EP400: variants seen among roughly 807,000 people sequenced by gnomAD.
EP400 encodes the protein E1A-binding protein p400.
A neutral mutation model predicts 354.1 loss-of-function variants in EP400; 105 were observed. That is an observed-to-expected ratio of 0.30 (90% confidence interval 0.25 to 0.35). The LOEUF (loss-of-function observed/expected upper bound fraction) is 0.35, where lower values mean the gene tolerates loss of function less well. Ranked by LOEUF, EP400 falls within the 10% of genes least tolerant of loss-of-function variation. EP400 has a pLI of 1.00. For synonymous variants in EP400, 1,646 were observed against 1,716.9 expected, an observed-to-expected ratio of 0.96 and a Z score of 1.02; for missense variants, 3,280 against 4,121.0, an observed-to-expected ratio of 0.80 and a Z score of 5.59.
In EP400 at chr12:131,982,205, C is replaced by T. The variant is rs779093079; in HGVS notation, c.1656C>T (p.Thr552=). The T allele has an allele frequency of 1.2e-6, 2 of 1,613,848 alleles. No homozygotes were observed. The highest frequency in any genetic ancestry group is 1.7e-6 in the Non-Finnish European group (2 of 1,179,928). ...PPVQNAASLH[T]PLPQLPGRLP... ...TGCAGAACGCTGCCAGCTTGCACAC[C>T]CCACTGCCGCAGCTGCCCGGGAGGC... Residue 552 remains threonine, a synonymous_variant, in exon 5 of 53, where the codon ACC becomes ACT. Coordinates refer to ENST00000389561, the MANE Select transcript of EP400 (RefSeq NM_015409.5).
Position 132,067,050 on chromosome 12 carries a change from C to A in EP400, c.8749+81C>A. 3 of 1,430,908 alleles carry A rather than the reference C, an allele frequency of 2.1e-6. No individual in the cohort carries two copies. Among genetic ancestry groups the A allele is most frequent in the Admixed American group, 5.7e-5 (2 of 34,818 alleles). The allele number at this position is 1,430,908 out of a possible 1,614,324, so 88.6% of individuals were successfully genotyped here. A position where few individuals can be genotyped will look rare whatever the true frequency, so the allele number is the denominator to read the frequency against. ...CTCTGGTGGCAGTGGTCGCCAGCGA[C>A]CCGTGTTCTTTCCTCACACCCACCC... On this transcript the variant is annotated intron_variant, in intron 49 of 52. Transcript: ENST00000389561. This position sits in a 1 kb window ranked among gnomAD's most constrained non-coding sequence, Gnocchi z 5.3.
chr12:131,997,183 A>G (rs2136512003), intron 12 of EP400, among the ~76,000 whole-genome samples: 1 of 152,242 alleles, frequency 6.6e-6, no homozygotes, highest in Middle Eastern at 3.4e-3. Flanking sequence ...TGACTCCTTC[A>G]AAACTTACTA....
At position 132,000,840 on chromosome 12, in the gene EP400, A is replaced by G. The variant is rs540387593; in HGVS notation, c.2828-4237A>G. 1.0e-4 allele frequency among the ~76,000 whole-genome samples: 16 copies of G among 152,384 alleles called. No homozygotes were observed. In the East Asian group the frequency reaches 3.1e-3, roughly 29 times the overall value. ...TTCCCAATGGTTTTTTAGAAAACCT[A>G]CATGAAATTTTAAAATTATCTCTTG... On this transcript the variant is annotated intron_variant, in intron 12 of 52. Coordinates refer to ENST00000389561, the MANE Select transcript of EP400 (RefSeq NM_015409.5).
At position 132,062,313 on chromosome 12, in the gene EP400, A is replaced by G. The variant is rs756550069; in HGVS notation, c.8088A>G (p.Gln2696=). The G allele has an allele frequency of 2.2e-5, 36 of 1,614,054 alleles. No individual in the cohort carries two copies. Among genetic ancestry groups the G allele is most frequent in the East Asian group, 4.5e-5 (2 of 44,888 alleles). Residue 2696 remains glutamine, a synonymous_variant, in exon 46 of 53, where the codon CAA becomes CAG. Transcript: ENST00000389561. ...VQTPARSLVP[Q]VSQATGVQLP... is the part of the protein sequence containing the mutation. ...CCCCGGCACGGTCTTTGGTGCCCCA[A>G]GTGTCCCAAGGTAAAGCCAGGCTGG... is the stretch of plus-strand genomic sequence containing the variant.
At position 132,045,370 on chromosome 12, in the gene EP400, G is replaced by A. The variant is rs1322798961; in HGVS notation, c.6836G>A (p.Arg2279Gln). Reference sequence around the variant, plus strand: ...CACGGGGAGGCGGTCGTCCCTCCTCGGTCCCTGTTTGACCGCGCAACACCA... The same window carrying A: ...CACGGGGAGGCGGTCGTCCCTCCTCAGTCCCTGTTTGACCGCGCAACACCA... The part of the protein sequence containing the change: ...QRHGEAVVPP[R>Q]SLFDRATPGL... Residue 2279 changes from arginine (R) to glutamine (Q), a missense_variant, in exon 38 of 53, where the codon CGG becomes CAG. This residue lies in a region of EP400 where 231 missense variants were observed against 257.9 expected (regional missense o/e 0.90). Transcript: ENST00000389561. 2 of 1,614,080 alleles carry A rather than the reference G, an allele frequency of 1.2e-6. No homozygotes were observed. The highest frequency in any genetic ancestry group is 1.7e-6 in the Non-Finnish European group (2 of 1,180,058).
Position 132,077,790 on chromosome 12 carries a change from A to C in EP400, c.*117A>C. The stretch of plus-strand genomic sequence containing the variant: ...GAGATTCAGCACTGGGAAAGATATA[A>C]TTGAAACAAAATAGTGTAATCATTT... On this transcript the variant is annotated 3_prime_UTR_variant, in exon 53 of 53. Transcript: ENST00000389561. The C allele has an allele frequency of 8.1e-7, 1 of 1,242,010 alleles. No individual in the cohort carries two copies. The highest frequency in any genetic ancestry group is 1.1e-6 in the Non-Finnish European group (1 of 920,712). The allele number at this position is 1,242,010 out of a possible 1,614,324, so 76.9% of individuals were successfully genotyped here. A position where few individuals can be genotyped will look rare whatever the true frequency, so the allele number is the denominator to read the frequency against.
Position 132,038,093 on chromosome 12 carries a change from A to G in EP400, c.6204A>G (p.Ile2068Met). The G allele has an allele frequency of 1.9e-6, 3 of 1,614,112 alleles. No individual in the cohort carries two copies. Among genetic ancestry groups the G allele is most frequent in the Non-Finnish European group, 2.5e-6 (3 of 1,180,026 alleles). ...CACCCAAAATTGCAAGACCTTTCAT[A>G]GAGGTAAGAATACATTGAATCTGGC... The part of the protein sequence containing the change: ...TIAPKIARPF[I>M]EALKSIEYLE... Residue 2068 changes from isoleucine (I) to methionine (M), a missense_variant, in exon 32 of 53, where the codon ATA becomes ATG. By Grantham distance (10) the Ile-to-Met change is conservative. Transcript: ENST00000389561. This position sits in a 1 kb window ranked among gnomAD's most constrained non-coding sequence, Gnocchi z 4.2.
At position 131,990,183 on chromosome 12, in the gene EP400, G is replaced by C. The variant is rs565582627; in HGVS notation, c.2550+79G>C. 2.0e-6 allele frequency: 3 copies of C among 1,513,160 alleles called. No individual in the cohort carries two copies. The highest frequency in any genetic ancestry group is 2.6e-5 in the South Asian group (2 of 76,850). The allele number at this position is 1,513,160 out of a possible 1,614,324, so 93.7% of individuals were successfully genotyped here. ...AGGCCACTTCCCGAGACCAGAGCTC[G>C]GGCACCTTGCTTAGGAAGCTTTCGA... On this transcript the variant is annotated intron_variant, in intron 8 of 52. Transcript: ENST00000389561. This position sits in a 1 kb window ranked among gnomAD's most constrained non-coding sequence, Gnocchi z 4.2.
chr12:131,963,452 A>C, intron 2 of EP400: 1 of 1,010,684 alleles, frequency 9.9e-7, no homozygotes, highest in Middle Eastern at 2.0e-4. Context: ...TCAGTGAGCT[A>C]TCAGCAATAA....
rs888361510 is a variant in EP400, at chr12:132,013,274, C to A, written c.3611+96C>A. On this transcript the variant is annotated intron_variant, in intron 17 of 52. Transcript: ENST00000389561. The surrounding 1 kb of genome is among the most constrained non-coding windows in gnomAD (Gnocchi z 4.5). ...GCATAATTGCAGACACAAACAATGG[C>A]CTTTGAGCTAGAGAATTGCTTTTCA... 6.8e-7 allele frequency: 1 copy of A among 1,469,176 alleles called. No individual in the cohort carries two copies. The allele number at this position is 1,469,176 out of a possible 1,614,324, so 91.0% of individuals were successfully genotyped here.
In EP400 at chr12:132,064,670, A is replaced by T. The variant is rs145047910; in HGVS notation, c.8337A>T (p.Glu2779Asp). Reference protein sequence around the residue: ...QIKAVGKLTPEHLIKMQKQKL... With the variant: ...QIKAVGKLTPDHLIKMQKQKL... The stretch of plus-strand genomic sequence containing the variant: ...AAGATACTTTGCTTGTATTTTAGGA[A>T]CACCTCATCAAAATGCAGAAGCAGA... The change falls in exon 48 of 53, where the codon GAA becomes GAT. Residue 2779 changes from glutamate to aspartate, a missense_variant and splice_region_variant. Around this residue, in one of 20 missense-constraint regions of EP400, gnomAD observed 47 missense variants for 55.6 expected, o/e 0.85. Coordinates refer to ENST00000389561, the MANE Select transcript of EP400 (RefSeq NM_015409.5). 6.2e-7 allele frequency: 1 copy of T among 1,610,704 alleles called. No individual in the cohort carries two copies. Among genetic ancestry groups the T allele is most frequent in the Non-Finnish European group, 8.5e-7 (1 of 1,177,462 alleles).
chr12:131,952,954 T>G (rs1191802960), intron 1 of EP400, among the ~76,000 whole-genome samples: 1 of 152,188 alleles, frequency 6.6e-6, no homozygotes, highest in Non-Finnish European at 1.5e-5. Flanking sequence ...CTTTGCCCTT[T>G]CTCCCCATTC....
At chr12:131,970,985 C>G (rs1366423095) in intron 2 of EP400, among the ~76,000 whole-genome samples, 1 of 152,166 alleles carries the variant, frequency 6.6e-6, no homozygotes, top group Non-Finnish European at 1.5e-5. Flanking sequence ...TGTAGGGTCA[C>G]TTGAGACCGC....
chr12:132,020,963 C>A, intron 22 of EP400, 116 bp from the exon 23 acceptor site: 1 of 1,362,590 alleles, frequency 7.3e-7, no homozygotes, highest in Non-Finnish European at 9.6e-7. Context: ...GAGGGGACTT[C>A]TCATTTGAGA....
At chr12:132,055,790 A>T (rs1019493924) in intron 45 of EP400, among the ~76,000 whole-genome samples, 42 of 151,106 alleles carry the variant, frequency 2.8e-4, no homozygotes, top group African/African-American at 1.0e-3. Context: ...CCCTCCCTGT[A>T]GGATGATTTT....
rs1030616307 is a variant in EP400 at position 131,950,735 on chromosome 12, G to A, written c.-36+699G>A. On this transcript the variant is annotated intron_variant, in intron 1 of 52. Coordinates refer to ENST00000389561, the MANE Select transcript of EP400 (RefSeq NM_015409.5). ...CTGTCGCTGTGTCAGTGACAGAAAA[G>A]TAACGTATCCCAGTGCTTTATTAGT... is the stretch of plus-strand genomic sequence containing the variant. Among the ~76,000 whole-genome samples the A allele has an allele frequency of 3.9e-5, 6 of 152,202 alleles. No individual in the cohort carries two copies. The South Asian group carries it at 1.0e-3, about 26-fold the overall frequency.
chr12:131,995,684 T>C (rs1566178447), intron 12 of EP400, among the ~76,000 whole-genome samples: 1 of 144,226 alleles, frequency 6.9e-6, no homozygotes, highest in Non-Finnish European at 1.5e-5. Flanking sequence ...CGTGAATGAA[T>C]CCACCACAGC....
At chr12:132,035,305 A>T (rs1894656805) in intron 30 of EP400, among the ~76,000 whole-genome samples, 1 of 152,172 alleles carries the variant, frequency 6.6e-6, no homozygotes. Flanking sequence ...CTATCTAAGG[A>T]TGTGTGTCGC....
chr12:131,976,664 C>T (rs1418357068), intron 2 of EP400, among the ~76,000 whole-genome samples: 14 of 152,084 alleles, frequency 9.2e-5, no homozygotes, highest in Non-Finnish European at 2.1e-4. Context: ...GAGGCGAGAT[C>T]GTACCATTGC....
Sources: allele counts gnomAD v4.1 joint callset (sites outside exome capture counted in the v4.1 genomes callset), GRCh38; gene constraint gnomAD v4.1.1; regional missense constraint gnomAD v4.1.1; non-coding constraint Gnocchi (gnomAD v3.1); transcripts MANE v1.5; gene names NCBI Gene and HGNC (gene_info 2026-07-23, HGNC 2026-07-21).